SMARCB1: variants seen among roughly 807,000 people sequenced by gnomAD.
SMARCB1 encodes SWI/SNF related BAF chromatin remodeling complex subunit B1, also known as SWI/SNF-related matrix-associated actin-dependent regulator of chromatin subfamily B member 1.
In SMARCB1, 5 loss-of-function variants were observed where a neutral mutation model predicts 49.0. The observed-to-expected ratio is 0.10, with a 90% CI of 0.05 to 0.21. The LOEUF (loss-of-function observed/expected upper bound fraction) is 0.21. SMARCB1 is among the 10% of genes least tolerant of loss of function. The probability of loss-of-function intolerance (pLI) is 1.00; values close to 1 mark genes in which losing one functional copy is unlikely to be tolerated. For missense variants in SMARCB1, 226 were observed against 509.2 expected, an observed-to-expected ratio of 0.44 and a Z score of 5.35; for synonymous variants, 201 against 200.1, an observed-to-expected ratio of 1.00 and a Z score of -0.04.
At chr22:23,820,027 A>C (rs1306379316) in intron 6 of SMARCB1, among the ~76,000 whole-genome samples, 1 of 151,848 alleles carries the variant, frequency 6.6e-6, no homozygotes, top group African/African-American at 2.4e-5. Context: ...ACGGGGTCTC[A>C]TCATATTGAC....
In SMARCB1 at chr22:23,837,857, G is replaced by A; in HGVS notation, c.*3677G>A. On this transcript the variant is annotated 3_prime_UTR_variant, in exon 9 of 9. Transcript: ENST00000644036. ...AGGCTGCCCAGGAGTCCCAGCAGCT[G>A]GGCCAGAGTCAAGGTGCTCCGGTGC... 6.2e-7 allele frequency: 1 copy of A among 1,610,194 alleles called. No homozygotes were observed. The highest frequency in any genetic ancestry group is 8.5e-7 in the Non-Finnish European group (1 of 1,177,782).
chr22:23,793,357 G>T, intron 2 of SMARCB1: 1 of 683,042 alleles, frequency 1.5e-6, no homozygotes, highest in South Asian at 1.6e-5. Context: ...CCCATTGGAG[G>T]CTCTACCCAG....
intron 1 of SMARCB1, among the ~76,000 whole-genome samples, chr22:23,790,326 G>C (rs953641204): frequency 1.3e-5 from 2 of 152,194 alleles, no homozygotes; most frequent in Admixed American, 1.3e-4. Flanking sequence ...GAAAGCGAGT[G>C]ACTTGCTGTG....
Position 23,836,730 on chromosome 22 carries a change from A to G in SMARCB1, c.*2550A>G. ...GGGGAAGCCAGTGCTGTGGGCCAAG[A>G]GACTGCAGCTCATTCTGTTTATTCA... On this transcript the variant is annotated 3_prime_UTR_variant, in exon 9 of 9. Transcript: ENST00000644036. 7.4e-7 allele frequency: 1 copy of G among 1,360,370 alleles called. No individual in the cohort carries two copies. The highest frequency in any genetic ancestry group is 9.4e-7 in the Non-Finnish European group (1 of 1,062,014). 84.3% of individuals were successfully genotyped at this position (1,360,370 alleles called of 1,614,324 possible). A position where few individuals can be genotyped will look rare whatever the true frequency, so the allele number is the denominator to read the frequency against.
At position 23,837,993 on chromosome 22, in the gene SMARCB1, CGA is replaced by C; in HGVS notation, c.*3814_*3815del. The C allele has an allele frequency of 1.6e-6, 2 of 1,234,364 alleles. No individual in the cohort carries two copies. Among genetic ancestry groups the C allele is most frequent in the South Asian group, 3.0e-5 (2 of 65,604 alleles). The allele number at this position is 1,234,364 out of a possible 1,614,324, so 76.5% of individuals were successfully genotyped here. A position where few individuals can be genotyped will look rare whatever the true frequency, so the allele number is the denominator to read the frequency against. ...TCAAGATGAGCCAGTCCAATAAAGG[CGA>C]CACACTCCACGGGCTTCAGGTCCCA... On this transcript the variant is annotated 3_prime_UTR_variant, in exon 9 of 9. Transcript: ENST00000644036.
At position 23,817,192 on chromosome 22, in the gene SMARCB1, G is replaced by A. The variant is rs34208949; in HGVS notation, c.795+256G>A. The A allele has an allele frequency of 1.0e-3, 594 of 577,426 alleles. 4 individuals carry two copies. The highest frequency in any genetic ancestry group is 9.4e-3 in the African/African-American group (504 of 53,652). The allele number at this position is 577,426 out of a possible 1,614,324, so 35.8% of individuals were successfully genotyped here. A position where few individuals can be genotyped will look rare whatever the true frequency, so the allele number is the denominator to read the frequency against. Reference sequence around the variant, plus strand: ...CACTGCCAGGCTCTGAGCAAAGCCCGGAGGTCTAGAGGAGGTGAAGGCAGC... The same window carrying A: ...CACTGCCAGGCTCTGAGCAAAGCCCAGAGGTCTAGAGGAGGTGAAGGCAGC... On this transcript the variant is annotated intron_variant, in intron 6 of 8. Transcript: ENST00000644036.
At chr22:23,798,150 C>T (rs1223981000) in intron 3 of SMARCB1, among the ~76,000 whole-genome samples, 1 of 152,204 alleles carries the variant, frequency 6.6e-6, no homozygotes, top group Non-Finnish European at 1.5e-5. Flanking sequence ...TTTGCAAATA[C>T]AGGCTCAGCT....
At chr22:23,793,338 C>A in intron 2 of SMARCB1, 1 of 637,536 alleles carries the variant, frequency 1.6e-6, no homozygotes, top group Non-Finnish European at 2.9e-6. Flanking sequence ...CAGATTAGTC[C>A]AAATCAGTCC....
chr22:23,837,889 C>T lies in SMARCB1; in HGVS notation c.*3709C>T, dbSNP rs1188800768. The T allele has an allele frequency of 1.9e-6, 3 of 1,584,156 alleles. No homozygotes were observed. The highest frequency in any genetic ancestry group is 1.1e-5 in the South Asian group (1 of 88,532). ...AGTCAAGGTGCTCCGGTGCAGGCCT[C>T]AGCCCAAGCCCAGGGCCCCTCTGAC... On this transcript the variant is annotated 3_prime_UTR_variant, in exon 9 of 9. Coordinates refer to ENST00000644036, the MANE Select transcript of SMARCB1 (RefSeq NM_003073.5).
At chr22:23,823,582 G>A (rs1037071828) in intron 6 of SMARCB1, 2 of 152,376 alleles carry the variant, frequency 1.3e-5, no homozygotes, top group African/African-American at 4.8e-5. Context: ...GCCTGTGCTA[G>A]AATTCCTGGA....
chr22:23,816,849 C>T lies in SMARCB1; in HGVS notation c.708C>T (p.Ala236=). The T allele has an allele frequency of 1.2e-6, 2 of 1,613,930 alleles. No individual in the cohort carries two copies. Among genetic ancestry groups the T allele is most frequent in the Non-Finnish European group, 1.7e-6 (2 of 1,179,814 alleles). The change falls in exon 6 of 9, where the codon GCC becomes GCT. Residue 236 remains alanine, a synonymous_variant. Transcript: ENST00000644036. ...LDLNPLTFVP[A]IASAIRQQIE... Reference sequence around the variant, plus strand: ...TGAACCCGCTGACGTTTGTGCCAGCCATCGCCTCTGCCATCAGACAGCAGA... The same window carrying T: ...TGAACCCGCTGACGTTTGTGCCAGCTATCGCCTCTGCCATCAGACAGCAGA...
intron 6 of SMARCB1, among the ~76,000 whole-genome samples, chr22:23,821,149 A>G (rs2030065443): frequency 6.6e-6 from 1 of 152,080 alleles, no homozygotes; most frequent in Non-Finnish European, 1.5e-5. Flanking sequence ...TGTGATTCCC[A>G]CCTGGGGGAT....
chr22:23,809,160 C>G (rs571700484), intron 5 of SMARCB1, among the ~76,000 whole-genome samples: 10 of 151,758 alleles, frequency 6.6e-5, no homozygotes, highest in African/African-American at 2.4e-4. Context: ...TCGTGAGAAA[C>G]TGGACGCTAG....
chr22:23,797,037 G>A (rs1312327610), intron 3 of SMARCB1, among the ~76,000 whole-genome samples: 2 of 144,530 alleles, frequency 1.4e-5, no homozygotes, highest in Non-Finnish European at 1.5e-5. Flanking sequence ...TCTCGCTGTC[G>A]CCCAGGCTGG....
At chr22:23,834,034 G>A in intron 8 of SMARCB1, 107 bp from the exon 9 acceptor site, 1 of 1,233,052 alleles carries the variant, frequency 8.1e-7, no homozygotes, top group Non-Finnish European at 1.2e-6. Flanking sequence ...CCCACATCCT[G>A]CCTCTGTTCC....
At position 23,787,102 on chromosome 22, in the gene SMARCB1, C is replaced by G; in HGVS notation, c.-68C>G. 9.7e-7 allele frequency: 1 copy of G among 1,028,178 alleles called. No individual in the cohort carries two copies. Among genetic ancestry groups the G allele is most frequent in the South Asian group, 1.3e-5 (1 of 77,518 alleles). The allele number at this position is 1,028,178 out of a possible 1,614,324, so 63.7% of individuals were successfully genotyped here. A position where few individuals can be genotyped will look rare whatever the true frequency, so the allele number is the denominator to read the frequency against. On this transcript the variant is annotated 5_prime_UTR_variant, in exon 1 of 9. Transcript: ENST00000644036. ...CTTCGGTTTCCCTCGGCCCAGCACG[C>G]CCCGGCCCCGCCCCAGCCCTCCTGA...
At chr22:23,827,546 G>C (rs1375043334) in intron 7 of SMARCB1, among the ~76,000 whole-genome samples, 1 of 152,210 alleles carries the variant, frequency 6.6e-6, no homozygotes, top group Non-Finnish European at 1.5e-5. Context: ...GGGCCTGGGG[G>C]CATCACAGAC....
intron 7 of SMARCB1, among the ~76,000 whole-genome samples, chr22:23,829,311 G>A (rs1165709727): frequency 6.6e-6 from 1 of 152,240 alleles, no homozygotes; most frequent in Non-Finnish European, 1.5e-5. Context: ...GATGGCCAGG[G>A]CAGGTGCTGA....
intron 4 of SMARCB1, chr22:23,802,376 T>G (rs2145981185): frequency 6.6e-6 from 1 of 152,360 alleles, no homozygotes; most frequent in African/African-American, 2.4e-5. Context: ...CCTCCTCCCC[T>G]CTTTCCTTTC....
Sources: allele counts gnomAD v4.1 joint callset (sites outside exome capture counted in the v4.1 genomes callset), GRCh38; gene constraint gnomAD v4.1.1; transcripts MANE v1.5; gene names NCBI Gene and HGNC (gene_info 2026-07-23, HGNC 2026-07-21).